DERA: variants seen among roughly 807,000 people sequenced by gnomAD.
DERA encodes the protein deoxyribose-phosphate aldolase.
DERA carries 15 observed loss-of-function variants against 41.1 expected under a neutral mutation model. The observed-to-expected ratio is 0.37, with a 90% CI of 0.24 to 0.56. The LOEUF (loss-of-function observed/expected upper bound fraction) is 0.56. DERA is among the 20% of genes least tolerant of loss of function. DERA has a pLI of 0.81. For synonymous variants in DERA, 139 were observed against 137.4 expected (o/e 1.01, Z -0.08); for missense variants, 396 against 403.4 (o/e 0.98, Z 0.16).
At chr12:15,946,154 A>G (rs1948446398) in intron 1 of DERA, among the ~76,000 whole-genome samples, 1 of 152,186 alleles carries the variant, frequency 6.6e-6, no homozygotes, top group Non-Finnish European at 1.5e-5. Context: ...GGATTTTTGC[A>G]TCGATGTTCA....
Position 15,970,941 on chromosome 12 carries a change from A to G in DERA, c.508+7994A>G, listed in dbSNP as rs1455543866. Among the ~76,000 whole-genome samples, 1 of 152,262 alleles carries G rather than the reference A, an allele frequency of 6.6e-6. No homozygotes were observed. The highest frequency in any genetic ancestry group is 1.5e-5 in the Non-Finnish European group (1 of 68,044). The stretch of plus-strand genomic sequence containing the variant: ...AAATGGTGTTACCATCTTTATTCAG[A>G]AAGTCATTATTTTTAGCAAAATGGG... On this transcript the variant is annotated intron_variant, in intron 5 of 8. Coordinates refer to ENST00000428559, the MANE Select transcript of DERA (RefSeq NM_015954.4). The surrounding 1 kb of genome is among the most constrained non-coding windows in gnomAD (Gnocchi z 4.3).
rs974930191 is a variant in DERA, at chr12:15,993,997, A to G, written c.637+11561A>G. ...TCTGTGAAGAAAGAAAAAGAGAGAA[A>G]AGAAAAAGCTTAGTTTTTTATGTGG... On this transcript the variant is annotated intron_variant, in intron 6 of 8. Coordinates refer to ENST00000428559, the MANE Select transcript of DERA (RefSeq NM_015954.4). This position sits in a 1 kb window ranked among gnomAD's most constrained non-coding sequence, Gnocchi z 4.4. 2.0e-5 allele frequency among the ~76,000 whole-genome samples: 3 copies of G among 152,206 alleles called. No homozygotes were observed. The highest frequency in any genetic ancestry group is 2.9e-5 in the Non-Finnish European group (2 of 68,034).
intron 6 of DERA, among the ~76,000 whole-genome samples, chr12:16,028,141 G>C (rs1949065047): frequency 6.6e-6 from 1 of 152,206 alleles, no homozygotes; most frequent in Admixed American, 6.5e-5. Context: ...CCATTCTCCA[G>C]TAAAAGGAGC....
intron 1 of DERA, among the ~76,000 whole-genome samples, chr12:15,920,108 G>A: frequency 1.4e-5 from 1 of 71,570 alleles, no homozygotes; most frequent in African/African-American, 2.7e-5. Context: ...GCCTGCTGAA[G>A]GTATAGATAG....
intron 6 of DERA, among the ~76,000 whole-genome samples, chr12:15,991,295 A>G (rs1172025997): frequency 6.6e-6 from 1 of 152,100 alleles, no homozygotes; most frequent in Non-Finnish European, 1.5e-5. Context: ...CCACTTTTTA[A>G]TGGGGTTGTT....
In DERA at chr12:15,984,129, C is replaced by T. The variant is rs114606523; in HGVS notation, c.637+1693C>T. On this transcript the variant is annotated intron_variant, in intron 6 of 8. Transcript: ENST00000428559. The surrounding 1 kb of genome is among the most constrained non-coding windows in gnomAD (Gnocchi z 4.5). ...TATAGGACATACTTTGTGGTAGCCA[C>T]GCTGTTGGTTGTGCACATGGAGCTG... Among the ~76,000 whole-genome samples, 93 of 152,270 alleles carry T rather than the reference C, an allele frequency of 6.1e-4. No homozygotes were observed. The highest frequency in any genetic ancestry group is 2.2e-3 in the African/African-American group (90 of 41,560).
In DERA at chr12:16,035,051, G is replaced by A. The variant is rs1454760184; in HGVS notation, c.751-1181G>A. ...GTGTGACGTTGTGTAATTGAGGCAGGGAAACCAGTTAAAAGACTTTTACTG... is the reference window on the plus strand; with the variant it reads ...GTGTGACGTTGTGTAATTGAGGCAGAGAAACCAGTTAAAAGACTTTTACTG... On this transcript the variant is annotated intron_variant, in intron 7 of 8. Transcript: ENST00000428559. This position sits in a 1 kb window ranked among gnomAD's most constrained non-coding sequence, Gnocchi z 4.1. Among the ~76,000 whole-genome samples, 1 of 152,122 alleles carries A rather than the reference G, an allele frequency of 6.6e-6. No individual in the cohort carries two copies. The highest frequency in any genetic ancestry group is 1.5e-5 in the Non-Finnish European group (1 of 68,036).
rs1948925095 is a variant in DERA, at chr12:16,008,155, A to G, written c.638-24387A>G. 6.6e-6 allele frequency among the ~76,000 whole-genome samples: 1 copy of G among 152,210 alleles called. No homozygotes were observed. The highest frequency in any genetic ancestry group is 1.5e-5 in the Non-Finnish European group (1 of 68,028). ...GGAGTGAGCCACTGCAACAGGCCAG[A>G]TAACACAGTTTCTTTTTCTCTGTTT... On this transcript the variant is annotated intron_variant, in intron 6 of 8. Transcript: ENST00000428559. This position sits in a 1 kb window ranked among gnomAD's most constrained non-coding sequence, Gnocchi z 4.8.
chr12:15,946,184 A>C (rs1948446790), intron 1 of DERA, among the ~76,000 whole-genome samples: 2 of 152,134 alleles, frequency 1.3e-5, no homozygotes, highest in African/African-American at 2.4e-5. Context: ...TTGGTCTAAA[A>C]TTCTCTCTTT....
chr12:15,986,637 A>T (rs934485659), intron 6 of DERA, among the ~76,000 whole-genome samples: 3 of 152,148 alleles, frequency 2.0e-5, no homozygotes, highest in Admixed American at 6.5e-5. Context: ...GAGTTATTTT[A>T]ATGTTCTTTT....
chr12:15,962,037 C>T (rs1026006366), intron 4 of DERA, among the ~76,000 whole-genome samples: 1 of 152,230 alleles, frequency 6.6e-6, no homozygotes, highest in Non-Finnish European at 1.5e-5. Context: ...AGCCACTGTG[C>T]CCAGCCCCAA....
At position 15,994,049 on chromosome 12, in the gene DERA, T is replaced by C. The variant is rs921000630; in HGVS notation, c.637+11613T>C. ...ATATTTTCTGGTCTGTGTAAAATTTTATTGTCTGAAATTGTGAAAAATGTA... is the reference window on the plus strand; with the variant it reads ...ATATTTTCTGGTCTGTGTAAAATTTCATTGTCTGAAATTGTGAAAAATGTA... On this transcript the variant is annotated intron_variant, in intron 6 of 8. Coordinates refer to ENST00000428559, the MANE Select transcript of DERA (RefSeq NM_015954.4). The surrounding 1 kb of genome is among the most constrained non-coding windows in gnomAD (Gnocchi z 4.8). 2.0e-5 allele frequency among the ~76,000 whole-genome samples: 3 copies of C among 152,248 alleles called. No individual in the cohort carries two copies. The highest frequency in any genetic ancestry group is 3.8e-4 in the East Asian group (2 of 5,200).
intron 1 of DERA, among the ~76,000 whole-genome samples, chr12:15,919,259 ATT>A (rs1049360315): frequency 6.8e-6 from 1 of 146,870 alleles, no homozygotes. Flanking sequence ...GTTAAAAAAC[ATT>A]TTTTTTTTTT....
Position 15,976,772 on chromosome 12 carries a change from C to T in DERA, c.509-5536C>T, listed in dbSNP as rs1379634997. 6.6e-6 allele frequency among the ~76,000 whole-genome samples: 1 copy of T among 152,074 alleles called. No individual in the cohort carries two copies. Among genetic ancestry groups the T allele is most frequent in the East Asian group, 1.9e-4 (1 of 5,192 alleles). ...TGGCAGAATTTGAGAAGGGTTTGAG[C>T]TGTAAAAATAAAGCTCTCCTATCTA... On this transcript the variant is annotated intron_variant, in intron 5 of 8. Coordinates refer to ENST00000428559, the MANE Select transcript of DERA (RefSeq NM_015954.4). This position sits in a 1 kb window ranked among gnomAD's most constrained non-coding sequence, Gnocchi z 4.1.
intron 1 of DERA, among the ~76,000 whole-genome samples, chr12:15,949,499 G>T (rs374135281): frequency 6.6e-5 from 10 of 152,170 alleles, no homozygotes; most frequent in Admixed American, 1.3e-4. Flanking sequence ...CCTCTGAGCC[G>T]GGCGTGGGAT....
intron 5 of DERA, among the ~76,000 whole-genome samples, chr12:15,980,143 C>A (rs1948723454): frequency 6.6e-6 from 1 of 152,188 alleles, no homozygotes; most frequent in Non-Finnish European, 1.5e-5. Context: ...AATAATTAAA[C>A]TTTTTGAGTG....
At chr12:15,916,635 G>T (rs558103260) in intron 1 of DERA, among the ~76,000 whole-genome samples, 21 of 152,112 alleles carry the variant, frequency 1.4e-4, no homozygotes, top group Admixed American at 1.2e-3. Context: ...ATTTTTAGTA[G>T]AGATGGGGTT....
rs1345930984 is a variant in DERA at position 15,913,951 on chromosome 12, C to T, written c.31+2537C>T. 6.6e-6 allele frequency among the ~76,000 whole-genome samples: 1 copy of T among 152,172 alleles called. No homozygotes were observed. The highest frequency in any genetic ancestry group is 2.4e-5 in the African/African-American group (1 of 41,434). ...GCCCTATATAGTCTATTAAAATGTA[C>T]AGATATTCTTCTATTTTATTAGATG... On this transcript the variant is annotated intron_variant, in intron 1 of 8. Transcript: ENST00000428559. The surrounding 1 kb of genome is among the most constrained non-coding windows in gnomAD (Gnocchi z 4.5).
chr12:15,911,466 C>T lies in DERA; in HGVS notation c.31+52C>T, dbSNP rs1948162983. 6.4e-6 allele frequency: 9 copies of T among 1,400,058 alleles called. 1 individual carries two copies. The South Asian group carries it at 1.4e-4, about 21-fold the overall frequency. The allele number at this position is 1,400,058 out of a possible 1,614,324, so 86.7% of individuals were successfully genotyped here. ...CCCTCTCCCTCGCGTTCAGCGCCGC[C>T]GGGACTAGCGCGGGGCCTGCTGCCG... On this transcript the variant is annotated intron_variant, in intron 1 of 8. Transcript: ENST00000428559. This position sits in a 1 kb window ranked among gnomAD's most constrained non-coding sequence, Gnocchi z 4.5.
Sources: allele counts gnomAD v4.1 joint callset (sites outside exome capture counted in the v4.1 genomes callset), GRCh38; gene constraint gnomAD v4.1.1; non-coding constraint Gnocchi (gnomAD v3.1); transcripts MANE v1.5; gene names NCBI Gene and HGNC (gene_info 2026-07-23, HGNC 2026-07-21).